Variants in KPNA3 observed in about 807,000 individuals in gnomAD.
KPNA3 encodes the protein karyopherin subunit alpha 3.
In KPNA3, 13 loss-of-function variants were observed where a neutral mutation model predicts 73.8. That is an observed-to-expected ratio of 0.18 (90% CI 0.11 to 0.28). The LOEUF (loss-of-function observed/expected upper bound fraction) is 0.28. Ranked by LOEUF, KPNA3 falls within the 10% of genes least tolerant of loss-of-function variation. KPNA3 has a pLI of 1.00. For missense variants in KPNA3, 360 were observed against 618.1 expected, an observed-to-expected ratio of 0.58 and a Z score of 4.43; for synonymous variants, 186 against 206.9, an observed-to-expected ratio of 0.90 and a Z score of 0.87.
intron 1 of KPNA3, among the ~76,000 whole-genome samples, chr13:49,770,178 G>GC (rs1491566465): frequency 3.2e-5 from 4 of 126,052 alleles, no homozygotes; most frequent in Non-Finnish European, 6.6e-5. Context: ...TTTGTGGGCT[G>GC]CTTTTTTTTT....
rs1401672191 is a variant in KPNA3, at chr13:49,762,202, A to G, written c.70-15209T>C. 1.6e-4 allele frequency among the ~76,000 whole-genome samples: 21 copies of G among 134,130 alleles called. No homozygotes were observed. The East Asian group carries it at 2.1e-3, about 13-fold the overall frequency. 88.0% of individuals were successfully genotyped at this position (134,130 alleles called of 152,430 possible). On this transcript the variant is annotated intron_variant, in intron 1 of 16. Coordinates refer to ENST00000261667, the MANE Select transcript of KPNA3 (RefSeq NM_002267.4). ...GCCGCCTCGTCCGGGAGGGAGGTGGAGGGCAGCCCCCGCCCGGCCAGCCGC... is the reference window on the plus strand; with the variant it reads ...GCCGCCTCGTCCGGGAGGGAGGTGGGGGGCAGCCCCCGCCCGGCCAGCCGC...
intron 1 of KPNA3, among the ~76,000 whole-genome samples, chr13:49,773,201 A>C (rs56385734): frequency 0.058 from 8,819 of 152,288 alleles, 333 homozygotes; most frequent in South Asian, 0.11. Context: ...ATATTTGCCT[A>C]AGGGTTAGGG....
At chr13:49,791,509 G>A (rs901427981) in intron 1 of KPNA3, among the ~76,000 whole-genome samples, 1 of 150,388 alleles carries the variant, frequency 6.6e-6, no homozygotes, top group Admixed American at 6.6e-5. Context: ...GCAACTAACT[G>A]AGTGACCGCG....
intron 1 of KPNA3, among the ~76,000 whole-genome samples, chr13:49,785,418 G>C (rs1954974062): frequency 6.6e-6 from 1 of 152,196 alleles, no homozygotes; most frequent in South Asian, 2.1e-4. Flanking sequence ...TCAGGTCACA[G>C]TGAGGGTGAT....
intron 7 of KPNA3, 49 bp from the exon 8 acceptor site, chr13:49,722,612 T>C: frequency 8.3e-7 from 1 of 1,207,156 alleles, no homozygotes; most frequent in Non-Finnish European, 1.2e-6. Flanking sequence ...GTTGAAGAGT[T>C]TACAGATTTC....
chr13:49,788,742 A>ATTTT, intron 1 of KPNA3, among the ~76,000 whole-genome samples: 2 of 118,258 alleles, frequency 1.7e-5, no homozygotes, highest in African/African-American at 8.5e-5. Flanking sequence ...TTTTTTTAAA[A>ATTTT]AAAAAAAGCA....
chr13:49,776,556 ATTTTT>A (rs1220288973), intron 1 of KPNA3, among the ~76,000 whole-genome samples: 1 of 152,176 alleles, frequency 6.6e-6, no homozygotes, highest in African/African-American at 2.4e-5. Flanking sequence ...TAGAATCACA[ATTTTT>A]ATTTTCATCT....
rs554879229 is a variant in KPNA3 at position 49,740,955 on chromosome 13, C to T, written c.114+5994G>A. On this transcript the variant is annotated intron_variant, in intron 2 of 16. Transcript: ENST00000261667. ...TAATGTAATGTCCTCCAAGTTCATC[C>T]ACGTTGTTGCAAAAGAGAGGGTTTC... is the stretch of plus-strand genomic sequence containing the variant. Among the ~76,000 whole-genome samples, 4 of 152,256 alleles carry T rather than the reference C, an allele frequency of 2.6e-5. No homozygotes were observed. In the South Asian group the frequency reaches 8.3e-4, roughly 32 times the overall value.
chr13:49,767,322 C>A (rs900896628), intron 1 of KPNA3, among the ~76,000 whole-genome samples: 1 of 150,140 alleles, frequency 6.7e-6, no homozygotes, highest in Admixed American at 6.7e-5. Context: ...GAGGCTGAGG[C>A]AGAATTGCTT....
intron 1 of KPNA3, among the ~76,000 whole-genome samples, chr13:49,783,846 G>T (rs75973996): frequency 6.6e-6 from 1 of 152,002 alleles, no homozygotes; most frequent in Admixed American, 6.5e-5. Flanking sequence ...TGAACCCTAC[G>T]ATCATTCTTA....
chr13:49,761,837 G>A (rs1185415428), intron 1 of KPNA3, among the ~76,000 whole-genome samples: 8 of 149,546 alleles, frequency 5.3e-5, no homozygotes, highest in African/African-American at 1.7e-4. Context: ...TGTGGGGAGC[G>A]CCTCTGCCCA....
rs576224869 is a variant in KPNA3, at chr13:49,747,672, C to T, written c.70-679G>A. 1.3e-4 allele frequency among the ~76,000 whole-genome samples: 20 copies of T among 152,218 alleles called. No individual in the cohort carries two copies. The South Asian group carries it at 2.5e-3, about 19-fold the overall frequency. On this transcript the variant is annotated intron_variant, in intron 1 of 16. Transcript: ENST00000261667. ...CTGCACTTTAGCTTGAGTGACAGAG[C>T]GAGACTCTGTCTCAAAAAATAAATA...
intron 1 of KPNA3, among the ~76,000 whole-genome samples, chr13:49,750,720 A>G (rs924074701): frequency 1.3e-5 from 2 of 152,208 alleles, no homozygotes; most frequent in Non-Finnish European, 2.9e-5. Context: ...GGCCGGGCAC[A>G]GTGGCTCATG....
chr13:49,713,050 A>C (rs1954273983), intron 10 of KPNA3, among the ~76,000 whole-genome samples: 1 of 152,132 alleles, frequency 6.6e-6, no homozygotes, highest in South Asian at 2.1e-4. Flanking sequence ...AGAGACACAC[A>C]TAAAACAAAG....
At chr13:49,782,714 AC>A (rs1039453482) in intron 1 of KPNA3, among the ~76,000 whole-genome samples, 6 of 152,100 alleles carry the variant, frequency 3.9e-5, no homozygotes, top group Admixed American at 6.6e-5. Context: ...CCCTGTCTCT[AC>A]AAAAAATAAA....
At chr13:49,777,199 TATC>T (rs1411521224) in intron 1 of KPNA3, among the ~76,000 whole-genome samples, 3 of 152,216 alleles carry the variant, frequency 2.0e-5, no homozygotes, top group Non-Finnish European at 4.4e-5. Context: ...TCCCTATTAT[TATC>T]ATTTTGCATA....
At position 49,719,357 on chromosome 13, in the gene KPNA3, C is replaced by A. The variant is rs143054342; in HGVS notation, c.771+418G>T. On this transcript the variant is annotated intron_variant, in intron 10 of 16. Transcript: ENST00000261667. ...TGACTCTGACCCTTACTAGCTCTTC[C>A]ACTTTAGATAAGTCATTTAATCTCT... Among the ~76,000 whole-genome samples the A allele has an allele frequency of 3.9e-5, 6 of 152,220 alleles. No homozygotes were observed. In the East Asian group the frequency reaches 1.2e-3, roughly 29 times the overall value.
intron 1 of KPNA3, among the ~76,000 whole-genome samples, chr13:49,777,221 TAAC>T (rs1954904847): frequency 6.6e-6 from 1 of 152,124 alleles, no homozygotes; most frequent in African/African-American, 2.4e-5. Flanking sequence ...TAAAGAAAAA[TAAC>T]AACAGTATCT....
At chr13:49,759,790 C>T (rs981012899) in intron 1 of KPNA3, among the ~76,000 whole-genome samples, 3 of 152,192 alleles carry the variant, frequency 2.0e-5, no homozygotes, top group African/African-American at 7.2e-5. Flanking sequence ...TGCTGCCTAC[C>T]TCCTACTGTG....
Sources: allele counts gnomAD v4.1 joint callset (sites outside exome capture counted in the v4.1 genomes callset), GRCh38; gene constraint gnomAD v4.1.1; transcripts MANE v1.5; gene names NCBI Gene and HGNC (gene_info 2026-07-23, HGNC 2026-07-21).